The following ZNF697 variants were observed in gnomAD, a reference collection of about 807,000 sequenced individuals.
ZNF697 encodes the protein zinc finger protein 697.
In ZNF697, 23 loss-of-function variants were observed where a neutral mutation model predicts 32.4. The observed-to-expected ratio is 0.71, with a 90% CI of 0.51 to 1.01. The LOEUF is 1.01. Among genes scored for constraint, ZNF697 ranks in the 50% least tolerant of loss-of-function variants. The pLI is 0.00. For synonymous variants in ZNF697, 418 were observed against 337.2 expected (o/e 1.24, Z -2.62); for missense variants, 930 against 794.0 (o/e 1.17, Z -2.06).
At chr1:119,625,834 A>G (rs1163435744) in intron 2 of ZNF697, 41 bp downstream of exon 2, 3 of 1,606,462 alleles carry the variant, frequency 1.9e-6, no homozygotes, top group Non-Finnish European at 2.5e-6. Flanking sequence ...AAGTAAGTGT[A>G]ACTTTGGCAA....
Position 119,629,638 on chromosome 1 carries a change from G to T in ZNF697, c.-37-3501C>A, listed in dbSNP as rs139871336. On this transcript the variant is annotated intron_variant, in intron 1 of 2. Transcript: ENST00000421812. ...TCTCGAGCCACAAAAATTAATGTTT[G>T]TAAAAGCTGCTGGCATGTTAGAGAC... Among the ~76,000 whole-genome samples the T allele has an allele frequency of 2.6e-5, 4 of 152,358 alleles. No homozygotes were observed. In the East Asian group the frequency reaches 7.7e-4, roughly 29 times the overall value.
Position 119,630,582 on chromosome 1 carries a change from TGAAA to T in ZNF697, c.-37-4449_-37-4446del, listed in dbSNP as rs1216224689. On this transcript the variant is annotated intron_variant, in intron 1 of 2. Transcript: ENST00000421812. The stretch of plus-strand genomic sequence containing the variant: ...CCTTCTAGACAAACTCAACCCCACT[TGAAA>T]GAAAGATCACTTTGAAGACACTGCT... 2.0e-5 allele frequency among the ~76,000 whole-genome samples: 3 copies of T among 152,264 alleles called. No individual in the cohort carries two copies. The East Asian group carries it at 5.8e-4, about 29-fold the overall frequency.
At chr1:119,643,463 A>T (rs894251597) in intron 1 of ZNF697, among the ~76,000 whole-genome samples, 7 of 152,200 alleles carry the variant, frequency 4.6e-5, no homozygotes, top group Non-Finnish European at 8.8e-5. Flanking sequence ...AACCTAAGGA[A>T]ATGTGTTCAA....
In ZNF697 at chr1:119,623,364, T is replaced by C. The variant is rs1295947556; in HGVS notation, c.979A>G (p.Ser327Gly). 6.8e-5 allele frequency: 99 copies of C among 1,460,034 alleles called. No individual in the cohort carries two copies. The highest frequency in any genetic ancestry group is 8.7e-5 in the Non-Finnish European group (96 of 1,108,776). 90.4% of individuals were successfully genotyped at this position (1,460,034 alleles called of 1,614,324 possible). ...YPCPECGEAFSLSSHLLSHRR... is the reference protein window; with the variant it reads ...YPCPECGEAFGLSSHLLSHRR... ...TGGCTCAACAGATGCGAGCTGAGGC[T>C]GAAGGCCTCGCCGCACTCGGGGCAC... The change falls in exon 3 of 3, where the codon AGC becomes GGC. Residue 327 changes from serine (S) to glycine (G), a missense_variant. By Grantham distance (56) the Ser-to-Gly change is moderately conservative. Transcript: ENST00000421812.
rs1433386804 is a variant in ZNF697 at position 119,623,659 on chromosome 1, C to T, written c.684G>A (p.Ala228=). 1.3e-6 allele frequency: 2 copies of T among 1,513,592 alleles called. No individual in the cohort carries two copies. The highest frequency in any genetic ancestry group is 2.0e-5 in the Admixed American group (1 of 49,292). The allele number at this position is 1,513,592 out of a possible 1,614,324, so 93.8% of individuals were successfully genotyped here. ...AAASLEPFGL[A]GECDAMVGMM... ...TGCCCACCATCGCGTCGCACTCGCC[C>T]GCCAGGCCGAAGGGCTCCAGGCTGG... Residue 228 remains alanine (A), a synonymous_variant, in exon 3 of 3, where the codon GCG becomes GCA. Transcript: ENST00000421812.
chr1:119,631,179 GC>G (rs1256255236), intron 1 of ZNF697, among the ~76,000 whole-genome samples: 3 of 152,330 alleles, frequency 2.0e-5, no homozygotes, highest in African/African-American at 7.2e-5. Context: ...TAAAGCAGGG[GC>G]GCAGCTGCCG....
intron 1 of ZNF697, among the ~76,000 whole-genome samples, chr1:119,635,828 A>G (rs1648905802): frequency 6.6e-6 from 1 of 152,204 alleles, no homozygotes; most frequent in Non-Finnish European, 1.5e-5. Flanking sequence ...TTAAATTTAG[A>G]TAGTGTTGTC....
At position 119,624,131 on chromosome 1, in the gene ZNF697, G is replaced by A; in HGVS notation, c.227-15C>T. The A allele has an allele frequency of 1.3e-6, 2 of 1,538,830 alleles. No individual in the cohort carries two copies. Among genetic ancestry groups the A allele is most frequent in the African/African-American group, 2.8e-5 (2 of 72,300 alleles). ...CAGCTGCCCCTCTGCAACAGAAAAA[G>A]GTGGCAGTGGGGGATTACTATACTT... On this transcript the variant is annotated splice_polypyrimidine_tract_variant and intron_variant, in intron 2 of 2. Coordinates refer to ENST00000421812, the MANE Select transcript of ZNF697 (RefSeq NM_001080470.2).
intron 1 of ZNF697, among the ~76,000 whole-genome samples, chr1:119,636,709 A>G (rs1648933025): frequency 6.6e-6 from 1 of 152,196 alleles, no homozygotes; most frequent in Non-Finnish European, 1.5e-5. Context: ...TTGCCCATGA[A>G]CACACCAGTT....
At chr1:119,628,417 T>A (rs1016664505) in intron 1 of ZNF697, among the ~76,000 whole-genome samples, 1 of 152,048 alleles carries the variant, frequency 6.6e-6, no homozygotes, top group African/African-American at 2.4e-5. Flanking sequence ...CGTGGAAACA[T>A]GGTTTTTCTA....
In ZNF697 at chr1:119,623,731, G is replaced by C. The variant is rs764706976; in HGVS notation, c.612C>G (p.Phe204Leu). The change falls in exon 3 of 3, where the codon TTC becomes TTG. Residue 204 changes from phenylalanine to leucine, a missense_variant. Phe to Leu is a conservative substitution (Grantham distance 22, BLOSUM62 0). Transcript: ENST00000421812. ...GGCGGTGAATGCGCTGGTGCTGCAG[G>C]AAGGCGGCGCCAGGACTGAAGCTCT... ...CGESFSPGAA[F>L]LQHQRIHRLA... The C allele has an allele frequency of 2.0e-6, 3 of 1,530,632 alleles. No homozygotes were observed. In the South Asian group the frequency reaches 3.6e-5, roughly 18 times the overall value. 94.8% of individuals were successfully genotyped at this position (1,530,632 alleles called of 1,614,324 possible).
At chr1:119,630,171 T>C (rs2101085264) in intron 1 of ZNF697, among the ~76,000 whole-genome samples, 1 of 152,348 alleles carries the variant, frequency 6.6e-6, no homozygotes, top group South Asian at 2.1e-4. Context: ...ACACAACCAT[T>C]GTGCTGTGTG....
intron 1 of ZNF697, among the ~76,000 whole-genome samples, chr1:119,628,097 T>G (rs933980863): frequency 4.0e-5 from 6 of 151,672 alleles, no homozygotes; most frequent in African/African-American, 7.3e-5. Context: ...AGGGGATTAA[T>G]CAATGGTTTC....
At chr1:119,631,019 A>G (rs991615147) in intron 1 of ZNF697, among the ~76,000 whole-genome samples, 6 of 152,230 alleles carry the variant, frequency 3.9e-5, no homozygotes, top group African/African-American at 1.4e-4. Context: ...ATCTATCCCT[A>G]TTGAACAAGG....
intron 1 of ZNF697, among the ~76,000 whole-genome samples, chr1:119,638,861 C>T (rs372738408): frequency 4.6e-4 from 70 of 152,306 alleles, no homozygotes; most frequent in African/African-American, 1.7e-3. Flanking sequence ...GCAGCAGAAA[C>T]AGGAAAAGCA....
In ZNF697 at chr1:119,648,202, T is replaced by TGGCTGGTTGGC. The variant is rs1553230568; in HGVS notation, c.-550_-549insGCCAACCAGCC. Among the ~76,000 whole-genome samples the TGGCTGGTTGGC allele has an allele frequency of 6.7e-6, 1 of 150,298 alleles. No homozygotes were observed. The highest frequency in any genetic ancestry group is 1.5e-5 in the Non-Finnish European group (1 of 67,328). On this transcript the variant is annotated 5_prime_UTR_variant, in exon 1 of 3. Coordinates refer to ENST00000421812, the MANE Select transcript of ZNF697 (RefSeq NM_001080470.2). ...GCTGGGTGGCCCGCTGGCTGGCTGG[T>TGGCTGGTTGGC]TGGCTGGCTGGCTGGCTGGCTGGCT... is the stretch of plus-strand genomic sequence containing the variant.
chr1:119,646,590 T>C (rs587677662), intron 1 of ZNF697, among the ~76,000 whole-genome samples: 1 of 152,334 alleles, frequency 6.6e-6, no homozygotes, highest in African/African-American at 2.4e-5. Flanking sequence ...TCCTACAGCA[T>C]CATTCTTTCG....
intron 1 of ZNF697, among the ~76,000 whole-genome samples, chr1:119,639,715 C>CAAAAAAAAAA (rs779242670): frequency 9.0e-6 from 1 of 110,562 alleles, no homozygotes. Context: ...CCTGTCTCTC[C>CAAAAAAAAAA]AAAAAAAAAA....
chr1:119,637,752 T>C (rs1377996956), intron 1 of ZNF697, among the ~76,000 whole-genome samples: 1 of 152,200 alleles, frequency 6.6e-6, no homozygotes, highest in Non-Finnish European at 1.5e-5. Flanking sequence ...TCAGAAGTGA[T>C]GGCTGACTTA....
Sources: allele counts gnomAD v4.1 joint callset (sites outside exome capture counted in the v4.1 genomes callset), GRCh38; gene constraint gnomAD v4.1.1; transcripts MANE v1.5; gene names NCBI Gene and HGNC (gene_info 2026-07-23, HGNC 2026-07-21).